The following TPST2 variants were observed in gnomAD, a reference collection of about 807,000 sequenced individuals.
TPST2 encodes protein-tyrosine sulfotransferase 2.
TPST2 carries 16 observed loss-of-function variants against 27.8 expected under a neutral mutation model. The observed-to-expected ratio is 0.58, with a 90% CI of 0.39 to 0.88. The LOEUF (loss-of-function observed/expected upper bound fraction) is 0.88, where lower values mean the gene tolerates loss of function less well. Ranked by LOEUF, TPST2 falls within the 40% of genes least tolerant of loss-of-function variation. TPST2 has a pLI of 0.00. For missense variants in TPST2, 464 were observed against 543.1 expected (o/e 0.85, Z 1.45); for synonymous variants, 229 against 231.7 (o/e 0.99, Z 0.10).
chr22:26,522,523 CAT>C lies in TPST2; in HGVS notation c.*3750_*3751del, dbSNP rs911951126. ...TTAAAATTCTGCCCAAATCAGGGTA[CAT>C]GGGTGGAATTAATCAAAAAAGTTAG... is the stretch of plus-strand genomic sequence containing the variant. On this transcript the variant is annotated 3_prime_UTR_variant, in exon 7 of 7. Coordinates refer to ENST00000338754, the MANE Select transcript of TPST2 (RefSeq NM_003595.5). The C allele has an allele frequency of 6.6e-6, 1 of 152,112 alleles. No individual in the cohort carries two copies. The highest frequency in any genetic ancestry group is 1.5e-5 in the Non-Finnish European group (1 of 68,036). The allele number at this position is 152,112 out of a possible 1,614,324, so 9.4% of individuals were successfully genotyped here. A position where few individuals can be genotyped will look rare whatever the true frequency, so the allele number is the denominator to read the frequency against.
chr22:26,585,843 G>T (rs1030054058), intron 1 of TPST2, among the ~76,000 whole-genome samples: 5 of 152,108 alleles, frequency 3.3e-5, no homozygotes, highest in Admixed American at 6.5e-5. Context: ...AAGGTCAGGA[G>T]ATCGAGACCA....
chr22:26,532,495 G>A (rs1925222548), intron 5 of TPST2, among the ~76,000 whole-genome samples, 200 bp downstream of exon 5: 2 of 152,116 alleles, frequency 1.3e-5, no homozygotes, highest in African/African-American at 2.4e-5. Context: ...TGGTCAGGCT[G>A]GTCTTGAACT....
rs1475517136 is a variant in TPST2, at chr22:26,540,786, C to T, written c.842+3G>A. 3 of 1,573,684 alleles carry T rather than the reference C, an allele frequency of 1.9e-6. No individual in the cohort carries two copies. Among genetic ancestry groups the T allele is most frequent in the Middle Eastern group, 1.7e-4 (1 of 5,904 alleles). On this transcript the variant is annotated splice_donor_region_variant and intron_variant, in intron 3 of 6. Transcript: ENST00000338754. ...GAGTGGAAGCATCAGGGGCTCCACT[C>T]ACTTGGACAGGGAGACACCACCGGG... is the stretch of plus-strand genomic sequence containing the variant.
Position 26,541,380 on chromosome 22 carries a change from A to G in TPST2, c.251T>C (p.Met84Thr), listed in dbSNP as rs1483393890. 1.3e-6 allele frequency: 2 copies of G among 1,559,126 alleles called. No individual in the cohort carries two copies. Reference sequence around the variant, plus strand: ...GGGGTGCGCGTCCAGCATGGCGCGCATCAACGTGGTGCCACTGCGAGGCAC... The same window carrying G: ...GGGGTGCGCGTCCAGCATGGCGCGCGTCAACGTGGTGCCACTGCGAGGCAC... The part of the protein sequence containing the change: ...GGVPRSGTTL[M>T]RAMLDAHPEV... Residue 84 changes from methionine to threonine, a missense_variant, in exon 3 of 7, where the codon ATG becomes ACG. Transcript: ENST00000338754. The surrounding 1 kb of genome is among the most constrained non-coding windows in gnomAD (Gnocchi z 5.9).
intron 6 of TPST2, among the ~76,000 whole-genome samples, chr22:26,526,484 A>G (rs1210978464): frequency 6.6e-6 from 1 of 152,172 alleles, no homozygotes; most frequent in South Asian, 2.1e-4. Context: ...GACCTCAAAT[A>G]TACACTTTTC....
chr22:26,588,922 T>C (rs1220169088), intron 1 of TPST2, among the ~76,000 whole-genome samples: 3 of 152,156 alleles, frequency 2.0e-5, no homozygotes, highest in Admixed American at 6.5e-5. Flanking sequence ...AGGGAATGTC[T>C]GTTGGGAAGT....
At chr22:26,536,612 C>T (rs1473756756) in intron 3 of TPST2, 126 bp from the exon 4 acceptor site, 4 of 852,156 alleles carry the variant, frequency 4.7e-6, no homozygotes, top group Non-Finnish European at 6.8e-6. Flanking sequence ...CAGCTCTGCC[C>T]CATCAACTGT....
intron 1 of TPST2, among the ~76,000 whole-genome samples, chr22:26,566,951 T>G (rs1927406778): frequency 6.6e-6 from 1 of 152,150 alleles, no homozygotes; most frequent in South Asian, 2.1e-4. Context: ...TCCCATGCAT[T>G]GTAGGATGTT....
At chr22:26,526,637 C>A (rs1258772951) in intron 6 of TPST2, among the ~76,000 whole-genome samples, 1 of 152,188 alleles carries the variant, frequency 6.6e-6, no homozygotes, top group African/African-American at 2.4e-5. Flanking sequence ...CTCATTTAAA[C>A]AGTAAAACAA....
At chr22:26,575,046 A>C (rs764612628) in intron 1 of TPST2, among the ~76,000 whole-genome samples, 10 of 152,098 alleles carry the variant, frequency 6.6e-5, no homozygotes, top group Non-Finnish European at 1.0e-4. Context: ...GTCCCCACTC[A>C]GTCTCATTTC....
rs113661443 is a variant in TPST2 at position 26,531,901 on chromosome 22, C to T, written c.1092+794G>A. Among the ~76,000 whole-genome samples, 1,277 of 152,304 alleles carry T rather than the reference C, an allele frequency of 8.4e-3. 11 individuals carry two copies. The highest frequency in any genetic ancestry group is 0.014 in the Non-Finnish European group (937 of 68,034). On this transcript the variant is annotated intron_variant, in intron 5 of 6. Coordinates refer to ENST00000338754, the MANE Select transcript of TPST2 (RefSeq NM_003595.5). ...ACAAGACACTAGGGAAAACACTTTACTAACTGCTACCTGTTTATTATAAAT... is the reference window on the plus strand; with the variant it reads ...ACAAGACACTAGGGAAAACACTTTATTAACTGCTACCTGTTTATTATAAAT...
At position 26,536,498 on chromosome 22, in the gene TPST2, G is replaced by C. The variant is rs1404449376; in HGVS notation, c.843-12C>G. ...TGGACCGCTCGATCCTGGGGAGAGA[G>C]GAGACGCTGGAGAGGGTAGGGCAGA... On this transcript the variant is annotated splice_polypyrimidine_tract_variant and intron_variant, in intron 3 of 6. Coordinates refer to ENST00000338754, the MANE Select transcript of TPST2 (RefSeq NM_003595.5). 6.6e-7 allele frequency: 1 copy of C among 1,507,492 alleles called. No homozygotes were observed. The highest frequency in any genetic ancestry group is 8.9e-7 in the Non-Finnish European group (1 of 1,128,456). The allele number at this position is 1,507,492 out of a possible 1,614,324, so 93.4% of individuals were successfully genotyped here.
rs1927889240 is a variant in TPST2, at chr22:26,577,349, C to CT, written c.-161+12703dup. 1.4e-5 allele frequency among the ~76,000 whole-genome samples: 2 copies of CT among 138,656 alleles called. 1 individual carries two copies. The highest frequency in any genetic ancestry group is 4.9e-4 in the South Asian group (2 of 4,110). 91.0% of individuals were successfully genotyped at this position (138,656 alleles called of 152,430 possible). A position where few individuals can be genotyped will look rare whatever the true frequency, so the allele number is the denominator to read the frequency against. On this transcript the variant is annotated intron_variant, in intron 1 of 6. Transcript: ENST00000338754. ...TTTCTACACACTTTACAAATATTTG[C>CT]TCTTTTTTTTTTTGAGACAAGGTCT...
intron 1 of TPST2, among the ~76,000 whole-genome samples, chr22:26,566,214 A>G (rs1927370644): frequency 6.6e-6 from 1 of 152,060 alleles, no homozygotes; most frequent in Non-Finnish European, 1.5e-5. Context: ...GTCAGGAGTT[A>G]GAGACCAGCC....
intron 1 of TPST2, among the ~76,000 whole-genome samples, chr22:26,587,171 C>G (rs1326831048): frequency 6.6e-6 from 1 of 152,136 alleles, no homozygotes; most frequent in Non-Finnish European, 1.5e-5. Flanking sequence ...TCTAGGAGAG[C>G]CATGGAGGGT....
At chr22:26,582,815 G>A (rs151168292) in intron 1 of TPST2, among the ~76,000 whole-genome samples, 5 of 152,222 alleles carry the variant, frequency 3.3e-5, no homozygotes, top group East Asian at 1.9e-4. Flanking sequence ...GTGTGACCTC[G>A]GGAAAGTGAC....
intron 1 of TPST2, chr22:26,547,537 T>A (rs1057299820): frequency 3.3e-5 from 5 of 152,210 alleles, no homozygotes; most frequent in African/African-American, 1.2e-4. Context: ...TGTTCTCCAT[T>A]TTAAGCTAAG....
chr22:26,563,060 A>G (rs1389533243), intron 1 of TPST2, among the ~76,000 whole-genome samples: 3 of 152,208 alleles, frequency 2.0e-5, no homozygotes, highest in African/African-American at 4.8e-5. Flanking sequence ...AAATGTCACT[A>G]GTGCCAAGGT....
At chr22:26,568,250 C>T (rs969002414) in intron 1 of TPST2, among the ~76,000 whole-genome samples, 1 of 152,176 alleles carries the variant, frequency 6.6e-6, no homozygotes, top group Non-Finnish European at 1.5e-5. Flanking sequence ...CAGAACCTTA[C>T]GCAATAACAA....
Sources: gnomAD v4.1 joint callset for allele counts (sites outside exome capture counted in the v4.1 genomes callset) on GRCh38, gnomAD v4.1.1 for gene constraint, Gnocchi (gnomAD v3.1) non-coding constraint, MANE v1.5 for transcripts, NCBI Gene and HGNC (gene_info 2026-07-23, HGNC 2026-07-21) for gene names.